OTOG: variants seen among roughly 807,000 people sequenced by gnomAD.
OTOG encodes otogelin.
Under a neutral mutation model 313.8 loss-of-function variants are expected in OTOG, and 296 were observed. The ratio of observed to expected loss-of-function variants is 0.94; its 90% CI spans 0.86 to 1.04. OTOG has a LOEUF of 1.04. OTOG is among the 50% of genes least tolerant of loss of function. OTOG has a pLI of 0.00. For missense variants in OTOG, 3,948 were observed against 3,840.1 expected (o/e 1.03, Z -0.74); for synonymous variants, 1,533 against 1,554.9 (o/e 0.99, Z 0.33).
chr11:17,593,260 G>A lies in OTOG; in HGVS notation c.3074G>A (p.Cys1025Tyr). The A allele has an allele frequency of 6.5e-7, 1 of 1,550,316 alleles. No homozygotes were observed. The highest frequency in any genetic ancestry group is 2.4e-5 in the East Asian group (1 of 40,932). ...AACTGCTACAGCTCTGGCATGATCT[G>A]CAGGAAATTTATTTCCATCAACGTT... Reference protein sequence around the residue: ...NVNCYSSGMICRKFISINVGN... With the variant: ...NVNCYSSGMIYRKFISINVGN... The change falls in exon 26 of 56, where the codon TGC (cysteine) becomes TAC (tyrosine). Residue 1025 changes from cysteine to tyrosine, a missense_variant. Coordinates refer to ENST00000399397, the MANE Select transcript of OTOG (RefSeq NM_001292063.2).
In OTOG at chr11:17,558,595, T is replaced by C; in HGVS notation, c.1054T>C (p.Tyr352His). 1 of 1,550,480 alleles carries C rather than the reference T, an allele frequency of 6.4e-7. No homozygotes were observed. ...LRPPFDACHA[Y>H]VSPLPFTASC... ...GCCCCCCTTTGACGCCTGCCACGCCTACGTCAGCCCTCTGCCCTTCACAGC... is the reference window on the plus strand; with the variant it reads ...GCCCCCCTTTGACGCCTGCCACGCCCACGTCAGCCCTCTGCCCTTCACAGC... Residue 352 changes from tyrosine (Y) to histidine (H), a missense_variant, in exon 10 of 56, where the codon TAC (tyrosine) becomes CAC (histidine). Transcript: ENST00000399397.
chr11:17,594,801 G>A (rs1027502271), intron 28 of OTOG, among the ~76,000 whole-genome samples: 1 of 151,988 alleles, frequency 6.6e-6, no homozygotes, highest in Non-Finnish European at 1.5e-5. Context: ...GGGTGACCTT[G>A]AGTAAGTCCC....
Position 17,570,390 on chromosome 11 carries a change from T to C in OTOG, c.1955T>C (p.Leu652Pro). The C allele has an allele frequency of 6.5e-7, 1 of 1,550,382 alleles. No homozygotes were observed. ...AATGGCAACACGCAGGATGACTTCC[T>C]GTACGTAGCCCTGCCACGGAACCCG... The part of the protein sequence containing the change: ...TFNGNTQDDF[L>P]SPVGVPESTP... The change falls in exon 17 of 56, where the codon CTG becomes CCG. Residue 652 changes from leucine to proline, a missense_variant and splice_region_variant. Coordinates refer to ENST00000399397, the MANE Select transcript of OTOG (RefSeq NM_001292063.2).
At chr11:17,613,017 A>G (rs1298910570) in intron 38 of OTOG, among the ~76,000 whole-genome samples, 1 of 152,108 alleles carries the variant, frequency 6.6e-6, no homozygotes, top group Non-Finnish European at 1.5e-5. Flanking sequence ...GCTTCCTGCC[A>G]TGTAGGAGGG....
At chr11:17,635,401 T>A (rs1463871511) in intron 46 of OTOG, among the ~76,000 whole-genome samples, 1 of 152,146 alleles carries the variant, frequency 6.6e-6, no homozygotes, top group Non-Finnish European at 1.5e-5. Flanking sequence ...AGGAAACTGG[T>A]GCTTGTTCTG....
chr11:17,591,102 A>C (rs1278648204), intron 24 of OTOG, among the ~76,000 whole-genome samples: 1 of 152,184 alleles, frequency 6.6e-6, no homozygotes, highest in Non-Finnish European at 1.5e-5. Context: ...TGTATCACAA[A>C]ATTTTGGAAG....
chr11:17,612,416 G>T, intron 37 of OTOG, 86 bp downstream of exon 37: 1 of 1,450,638 alleles, frequency 6.9e-7, no homozygotes, highest in Non-Finnish European at 9.1e-7. Context: ...GTGTGTCCCA[G>T]ACTCCCCTCC....
intron 37 of OTOG, 56 bp from the exon 38 acceptor site, chr11:17,612,564 C>A: frequency 6.6e-7 from 1 of 1,505,306 alleles, no homozygotes; most frequent in South Asian, 1.3e-5. Flanking sequence ...TCTTCCTAGG[C>A]GGCCTTGGTC....
chr11:17,628,888 T>C (rs1470941916), intron 39 of OTOG, among the ~76,000 whole-genome samples: 2 of 152,246 alleles, frequency 1.3e-5, no homozygotes, highest in Non-Finnish European at 2.9e-5. Context: ...CCTCCTGTTG[T>C]TGCATTTCTT....
intron 13 of OTOG, 50 bp from the exon 14 acceptor site, chr11:17,561,041 G>A: frequency 3.9e-6 from 6 of 1,544,890 alleles, no homozygotes; most frequent in Non-Finnish European, 5.3e-6. Flanking sequence ...CCAGCATCTA[G>A]CTCAGGCCTG....
At chr11:17,637,062 G>C (rs1854283913) in intron 47 of OTOG, among the ~76,000 whole-genome samples, 1 of 152,106 alleles carries the variant, frequency 6.6e-6, no homozygotes, top group Non-Finnish European at 1.5e-5. Context: ...ATGCATTGTA[G>C]AAAGTACGAA....
At chr11:17,638,612 T>C (rs973354774) in intron 48 of OTOG, 63 bp downstream of exon 48, 1 of 1,516,156 alleles carries the variant, frequency 6.6e-7, no homozygotes, top group Non-Finnish European at 9.0e-7. Flanking sequence ...GAGGAGGGAT[T>C]GAGGGAGCCC....
intron 32 of OTOG, among the ~76,000 whole-genome samples, chr11:17,604,453 A>G (rs1329740765): frequency 1.3e-5 from 2 of 152,164 alleles, no homozygotes; most frequent in African/African-American, 4.8e-5. Context: ...CCTGCATCCC[A>G]TGGGTGGGGC....
chr11:17,612,084 G>C (rs1853567519), intron 36 of OTOG, 78 bp from the exon 37 acceptor site: 25 of 1,502,766 alleles, frequency 1.7e-5, no homozygotes, highest in Non-Finnish European at 2.2e-5. Flanking sequence ...ATGTGGGAAG[G>C]ATCTGGTGCC....
chr11:17,588,480 T>C (rs1172934664), intron 24 of OTOG, among the ~76,000 whole-genome samples: 1 of 152,162 alleles, frequency 6.6e-6, no homozygotes, highest in Non-Finnish European at 1.5e-5. Context: ...CCAGCAGTTA[T>C]GCATTTATGG....
intron 39 of OTOG, among the ~76,000 whole-genome samples, chr11:17,615,909 C>T (rs1026892525): frequency 6.6e-6 from 1 of 151,706 alleles, no homozygotes; most frequent in Non-Finnish European, 1.5e-5. Context: ...GCCTGGGCAA[C>T]AAGAGTGAAA....
At chr11:17,592,694 A>G (rs537390762) in intron 25 of OTOG, among the ~76,000 whole-genome samples, 1 of 152,328 alleles carries the variant, frequency 6.6e-6, no homozygotes, top group South Asian at 2.1e-4. Flanking sequence ...CTACAGAAAT[A>G]ATGCCCTCGA....
At chr11:17,596,243 G>C in intron 29 of OTOG, 89 bp downstream of exon 29, 1 of 961,000 alleles carries the variant, frequency 1.0e-6, no homozygotes, top group African/African-American at 1.6e-5. Flanking sequence ...ATGTCTCAGA[G>C]GAGACAGCTC....
chr11:17,609,602 C>T (rs888406272), intron 35 of OTOG, 53 bp from the exon 36 acceptor site: 2 of 1,405,082 alleles, frequency 1.4e-6, no homozygotes, highest in African/African-American at 1.5e-5. Flanking sequence ...CCAGCAATGA[C>T]CCCCGGGGCA....
Sources: gnomAD v4.1 joint callset for allele counts (sites outside exome capture counted in the v4.1 genomes callset) on GRCh38, gnomAD v4.1.1 for gene constraint, MANE v1.5 for transcripts, NCBI Gene and HGNC (gene_info 2026-07-23, HGNC 2026-07-21) for gene names.